The following PIK3R2 variants were observed in gnomAD, a reference collection of about 807,000 sequenced individuals.
PIK3R2 encodes phosphatidylinositol 3-kinase regulatory subunit beta.
In PIK3R2, 40 loss-of-function variants were observed where a neutral mutation model predicts 78.5. The ratio of observed to expected loss-of-function variants is 0.51; its 90% CI spans 0.40 to 0.66. The LOEUF (loss-of-function observed/expected upper bound fraction) is 0.66. Among genes scored for constraint, PIK3R2 ranks in the 30% least tolerant of loss-of-function variants. The pLI is 0.00. For missense variants in PIK3R2, 880 were observed against 1,026.6 expected (o/e 0.86, Z 1.95); for synonymous variants, 473 against 457.7 (o/e 1.03, Z -0.43).
chr19:18,164,880 G>A (rs2043791312), intron 11 of PIK3R2, among the ~76,000 whole-genome samples: 1 of 143,154 alleles, frequency 7.0e-6, no homozygotes. Flanking sequence ...AAGTGATCTG[G>A]CTGCCTCGGC....
Position 18,156,243 on chromosome 19 carries a change from T to G in PIK3R2, c.322+42T>G. Reference sequence around the variant, plus strand: ...GGCCCTGGAAAGGGGGGTGGTCCCCTCAGACCCTTGGTCTCCTCTTCTGTC... The same window carrying G: ...GGCCCTGGAAAGGGGGGTGGTCCCCGCAGACCCTTGGTCTCCTCTTCTGTC... On this transcript the variant is annotated intron_variant, in intron 2 of 15. Coordinates refer to ENST00000222254, the MANE Select transcript of PIK3R2 (RefSeq NM_005027.4). This position sits in a 1 kb window ranked among gnomAD's most constrained non-coding sequence, Gnocchi z 4.2. The G allele has an allele frequency of 7.1e-7, 1 of 1,403,160 alleles. No homozygotes were observed. Among genetic ancestry groups the G allele is most frequent in the Non-Finnish European group, 9.4e-7 (1 of 1,062,388 alleles). 86.9% of individuals were successfully genotyped at this position (1,403,160 alleles called of 1,614,324 possible).
chr19:18,161,516 G>T lies in PIK3R2; in HGVS notation c.815+21G>T. 1 of 866,722 alleles carries T rather than the reference G, an allele frequency of 1.2e-6. No homozygotes were observed. Among genetic ancestry groups the T allele is most frequent in the South Asian group, 5.5e-5 (1 of 18,346 alleles). 53.7% of individuals were successfully genotyped at this position (866,722 alleles called of 1,614,324 possible). A position where few individuals can be genotyped will look rare whatever the true frequency, so the allele number is the denominator to read the frequency against. On this transcript the variant is annotated intron_variant, in intron 6 of 15. Coordinates refer to ENST00000222254, the MANE Select transcript of PIK3R2 (RefSeq NM_005027.4). This position sits in a 1 kb window ranked among gnomAD's most constrained non-coding sequence, Gnocchi z 5.3. ...GACGGGTGAGGGGCGGGGCGGAGCC[G>T]GAGCGAGCAGGGGTGGAGTTTGGGG...
At chr19:18,160,835 G>A in intron 3 of PIK3R2, 84 bp from the exon 4 acceptor site, 1 of 1,485,898 alleles carries the variant, frequency 6.7e-7, no homozygotes, top group Non-Finnish European at 9.2e-7. Context: ...AAGGGAGACT[G>A]CAGGGGGGTT....
chr19:18,168,796 A>G lies in PIK3R2; in HGVS notation c.1879A>G (p.Ile627Val), dbSNP rs1248621867. The G allele has an allele frequency of 6.2e-7, 1 of 1,613,938 alleles. No individual in the cohort carries two copies. Among genetic ancestry groups the G allele is most frequent in the South Asian group, 1.1e-5 (1 of 91,078 alleles). The part of the protein sequence containing the change: ...HEERTWYVGK[I>V]NRTQAEEMLS... Reference sequence around the variant, plus strand: ...GGAACGCACTTGGTACGTGGGCAAGATCAACCGCACGCAGGCAGAGGAGAT... The same window carrying G: ...GGAACGCACTTGGTACGTGGGCAAGGTCAACCGCACGCAGGCAGAGGAGAT... The change falls in exon 15 of 16, where the codon ATC (isoleucine) becomes GTC (valine). Residue 627 changes from isoleucine (I) to valine (V), a missense_variant. Around this residue, in one of 3 missense-constraint regions of PIK3R2, gnomAD observed 268 missense variants for 299.1 expected, o/e 0.90. Transcript: ENST00000222254. The surrounding 1 kb of genome is among the most constrained non-coding windows in gnomAD (Gnocchi z 4.1).
intron 3 of PIK3R2, 56 bp from the exon 4 acceptor site, chr19:18,160,863 C>T (rs1265028041): frequency 6.4e-7 from 1 of 1,562,774 alleles, no homozygotes; most frequent in Non-Finnish European, 8.7e-7. Context: ...CAGTCCAGGC[C>T]TCACGAGGTC....
rs905019891 is a variant in PIK3R2 at position 18,167,043 on chromosome 19, G to A, written c.1560-87G>A. ...CCCAGCTACTCGGGAGGCTGAGGTAGGAGGGTCACCTGAGCCCAGGAGTTT... is the reference window on the plus strand; with the variant it reads ...CCCAGCTACTCGGGAGGCTGAGGTAAGAGGGTCACCTGAGCCCAGGAGTTT... On this transcript the variant is annotated intron_variant, in intron 12 of 15. Coordinates refer to ENST00000222254, the MANE Select transcript of PIK3R2 (RefSeq NM_005027.4). The surrounding 1 kb of genome is among the most constrained non-coding windows in gnomAD (Gnocchi z 4.5). 8.6e-6 allele frequency: 10 copies of A among 1,159,164 alleles called. No homozygotes were observed. The East Asian group carries it at 3.0e-4, about 34-fold the overall frequency. 71.8% of individuals were successfully genotyped at this position (1,159,164 alleles called of 1,614,324 possible). A position where few individuals can be genotyped will look rare whatever the true frequency, so the allele number is the denominator to read the frequency against.
At position 18,164,930 on chromosome 19, in the gene PIK3R2, A is replaced by G. The variant is rs1049815862; in HGVS notation, c.1417-1230A>G. 2.7e-5 allele frequency among the ~76,000 whole-genome samples: 4 copies of G among 148,462 alleles called. No homozygotes were observed. The Admixed American group carries it at 2.7e-4, about 10-fold the overall frequency. On this transcript the variant is annotated intron_variant, in intron 11 of 15. Transcript: ENST00000222254. ...AAAAAAAAAAGAAAAAAAAAATTTAATAAAATTAAAAGGTAGGCCGGGCAC... is the reference window on the plus strand; with the variant it reads ...AAAAAAAAAAGAAAAAAAAAATTTAGTAAAATTAAAAGGTAGGCCGGGCAC...
In PIK3R2 at chr19:18,156,079, G is replaced by A. The variant is rs781740870; in HGVS notation, c.200G>A (p.Arg67Gln). The A allele has an allele frequency of 1.0e-5, 16 of 1,561,564 alleles. No individual in the cohort carries two copies. Among genetic ancestry groups the A allele is most frequent in the South Asian group, 8.2e-5 (7 of 85,166 alleles). Residue 67 changes from arginine (R) to glutamine (Q), a missense_variant, in exon 2 of 16, where the codon CGA (arginine) becomes CAA (glutamine). Physicochemically the swap from Arg to Gln is conservative, Grantham distance 43. Transcript: ENST00000222254. The surrounding 1 kb of genome is among the most constrained non-coding windows in gnomAD (Gnocchi z 4.2). ...GGCCTCAACGAGCGCACACGGCAGC[G>A]AGGTGACTTCCCTGGCACCTATGTG... Reference protein sequence around the residue: ...MPGLNERTRQRGDFPGTYVEF... With the variant: ...MPGLNERTRQQGDFPGTYVEF...
In PIK3R2 at chr19:18,166,279, G is replaced by A. The variant is rs2043809489; in HGVS notation, c.1536G>A (p.Glu512=). ...AATACCTGGAGCGCTTCCGGCGTGA[G>A]GGCAACGAGAAAGAGATGCAAAGGT... ...SKEYLERFRR[E]GNEKEMQRIL... is the part of the protein sequence containing the mutation. The change falls in exon 12 of 16, where the codon GAG becomes GAA. Residue 512 remains glutamate, a synonymous_variant. Transcript: ENST00000222254. 2.5e-6 allele frequency: 4 copies of A among 1,614,174 alleles called. No individual in the cohort carries two copies. The highest frequency in any genetic ancestry group is 1.1e-5 in the South Asian group (1 of 91,088).
At chr19:18,159,866 C>T (rs921517739) in intron 2 of PIK3R2, among the ~76,000 whole-genome samples, 1 of 152,132 alleles carries the variant, frequency 6.6e-6, no homozygotes, top group Non-Finnish European at 1.5e-5. Context: ...CTCAACCTCC[C>T]GAGTAGCTGG....
intron 1 of PIK3R2, among the ~76,000 whole-genome samples, chr19:18,154,172 A>G (rs2043652878): frequency 1.3e-5 from 2 of 152,094 alleles, no homozygotes; most frequent in South Asian, 4.1e-4. Flanking sequence ...TCTCTAGAAC[A>G]GCACGTCCAT....
intron 12 of PIK3R2, among the ~76,000 whole-genome samples, 193 bp from the exon 13 acceptor site, chr19:18,166,937 C>A (rs1036292250): frequency 6.6e-6 from 1 of 151,702 alleles, no homozygotes; most frequent in Non-Finnish European, 1.5e-5. Flanking sequence ...GAGTTTGAGA[C>A]CAGCCTGGGC....
chr19:18,161,192 C>G lies in PIK3R2; in HGVS notation c.598+7C>G. On this transcript the variant is annotated splice_region_variant and intron_variant, in intron 5 of 15. Transcript: ENST00000222254. This position sits in a 1 kb window ranked among gnomAD's most constrained non-coding sequence, Gnocchi z 5.3. Reference sequence around the variant, plus strand: ...GCGCGCCGGGCCCTGCGGGGTGAGCCTGGCGGGTAGCCCGGGGGAAGGAGG... The same window carrying G: ...GCGCGCCGGGCCCTGCGGGGTGAGCGTGGCGGGTAGCCCGGGGGAAGGAGG... The G allele has an allele frequency of 6.5e-7, 1 of 1,543,724 alleles. No homozygotes were observed. Among genetic ancestry groups the G allele is most frequent in the East Asian group, 2.4e-5 (1 of 40,862 alleles).
intron 2 of PIK3R2, among the ~76,000 whole-genome samples, chr19:18,157,949 G>C (rs2043696795): frequency 6.6e-6 from 1 of 152,206 alleles, no homozygotes. Flanking sequence ...GTAGTGCTGG[G>C]AAGCCAGGGC....
chr19:18,154,737 C>T (rs1193911226), intron 1 of PIK3R2, among the ~76,000 whole-genome samples: 1 of 152,072 alleles, frequency 6.6e-6, no homozygotes, highest in Non-Finnish European at 1.5e-5. Flanking sequence ...TAGATACCTC[C>T]CTGCTCTGAG....
chr19:18,153,472 G>A (rs1266155138), intron 1 of PIK3R2, among the ~76,000 whole-genome samples, 178 bp downstream of exon 1: 1 of 152,212 alleles, frequency 6.6e-6, no homozygotes, highest in Non-Finnish European at 1.5e-5. Context: ...CTCCGCAGCG[G>A]TGCAGCCTCC....
At chr19:18,154,408 G>A (rs985805686) in intron 1 of PIK3R2, among the ~76,000 whole-genome samples, 9 of 152,126 alleles carry the variant, frequency 5.9e-5, no homozygotes, top group African/African-American at 1.9e-4. Context: ...TCTGCATTTT[G>A]TGCCTACTCT....
At chr19:18,154,083 C>T (rs1237607285) in intron 1 of PIK3R2, among the ~76,000 whole-genome samples, 1 of 152,160 alleles carries the variant, frequency 6.6e-6, no homozygotes, top group Non-Finnish European at 1.5e-5. Context: ...CCTTGACAAG[C>T]AACTTAACCC....
At position 18,155,870 on chromosome 19, in the gene PIK3R2, T is replaced by C. The variant is rs1481379878; in HGVS notation, c.-10T>C. The C allele has an allele frequency of 6.5e-7, 1 of 1,535,794 alleles. No homozygotes were observed. The highest frequency in any genetic ancestry group is 1.2e-5 in the South Asian group (1 of 82,552). ...CCTAACCATCCAGACCCCACCCCAC[T>C]CACGCGGCCATGGCGGGCCCTGAGG... On this transcript the variant is annotated 5_prime_UTR_variant, in exon 2 of 16. Transcript: ENST00000222254.
Sources: allele counts gnomAD v4.1 joint callset (sites outside exome capture counted in the v4.1 genomes callset), GRCh38; gene constraint gnomAD v4.1.1; regional missense constraint gnomAD v4.1.1; non-coding constraint Gnocchi (gnomAD v3.1); transcripts MANE v1.5; gene names NCBI Gene and HGNC (gene_info 2026-07-23, HGNC 2026-07-21).